GALNT13: variants seen among roughly 807,000 people sequenced by gnomAD.
GALNT13 encodes the protein polypeptide N-acetylgalactosaminyltransferase 13.
A neutral mutation model predicts 64.2 loss-of-function variants in GALNT13; 28 were observed. The ratio of observed to expected loss-of-function variants is 0.44; its 90% CI spans 0.32 to 0.60. The LOEUF (loss-of-function observed/expected upper bound fraction) is 0.60. Among genes scored for constraint, GALNT13 ranks in the 20% least tolerant of loss-of-function variants. The pLI, the probability that GALNT13 is intolerant of heterozygous loss-of-function variation, is 0.05. For synonymous variants in GALNT13, 214 were observed against 224.6 expected (o/e 0.95, Z 0.42); for missense variants, 577 against 669.8 (o/e 0.86, Z 1.53).
At chr2:153,673,836 A>T in the GALNT13 span, among the ~76,000 whole-genome samples, 1 of 152,200 alleles carries the variant, frequency 6.6e-6, no homozygotes, top group Admixed American at 6.5e-5. Flanking sequence ...TCTCAAGCTG[A>T]TAAGCAACTT....
the GALNT13 span, among the ~76,000 whole-genome samples, chr2:153,253,153 G>C: frequency 1.3e-5 from 2 of 151,010 alleles, no homozygotes. Context: ...TTGAGCAGTG[G>C]TTTGTAGTTC....
At chr2:153,704,802 A>G in the GALNT13 span, among the ~76,000 whole-genome samples, 1 of 152,220 alleles carries the variant, frequency 6.6e-6, no homozygotes, top group African/African-American at 2.4e-5. Context: ...ATACAGATTA[A>G]CAGCACAAAG....
At chr2:153,156,431 T>C in the GALNT13 span, among the ~76,000 whole-genome samples, 1 of 152,174 alleles carries the variant, frequency 6.6e-6, no homozygotes, top group Non-Finnish European at 1.5e-5. Flanking sequence ...AATGGTAATC[T>C]TTGATTACAT....
At chr2:153,338,427 A>T in the GALNT13 span, among the ~76,000 whole-genome samples, 3 of 152,244 alleles carry the variant, frequency 2.0e-5, no homozygotes, top group Non-Finnish European at 4.4e-5. Context: ...AGTAGGTGGA[A>T]ATTCAGAATT....
At chr2:153,208,442 A>T in the GALNT13 span, among the ~76,000 whole-genome samples, 179 of 152,242 alleles carry the variant, frequency 1.2e-3, no homozygotes, top group African/African-American at 4.2e-3. Context: ...TCTTTTACCT[A>T]GCATAATACT....
At chr2:153,342,945 G>A in the GALNT13 span, among the ~76,000 whole-genome samples, 2 of 152,246 alleles carry the variant, frequency 1.3e-5, no homozygotes, top group Admixed American at 1.3e-4. Flanking sequence ...CCTTACACAT[G>A]TGTCAAGGAA....
At chr2:153,863,595 T>C in the GALNT13 span, among the ~76,000 whole-genome samples, 3 of 152,156 alleles carry the variant, frequency 2.0e-5, no homozygotes, top group African/African-American at 4.8e-5. Context: ...TTGAGCTATT[T>C]TTGATAAACA....
intron 9 of GALNT13, among the ~76,000 whole-genome samples, chr2:154,345,266 A>G (rs707027): frequency 0.99 from 151,300 of 152,102 alleles, 75,255 homozygotes; most frequent in Middle Eastern, 1. Context: ...AACATGTAGA[A>G]CAAAAGACCG....
chr2:153,677,481 C>G, the GALNT13 span, among the ~76,000 whole-genome samples: 8 of 152,004 alleles, frequency 5.3e-5, no homozygotes, highest in African/African-American at 1.9e-4. Flanking sequence ...GTCATACTAC[C>G]CAAAGCAATT....
chr2:153,517,705 A>C, the GALNT13 span, among the ~76,000 whole-genome samples: 1 of 152,190 alleles, frequency 6.6e-6, no homozygotes, highest in Non-Finnish European at 1.5e-5. Flanking sequence ...TGTAGAAGGA[A>C]AAGGGAAATA....
chr2:153,396,759 C>T, the GALNT13 span, among the ~76,000 whole-genome samples: 1 of 152,080 alleles, frequency 6.6e-6, no homozygotes, highest in Admixed American at 6.6e-5. Flanking sequence ...TTGCAATTTT[C>T]ACAGAAAGTC....
At chr2:153,417,972 A>C in the GALNT13 span, among the ~76,000 whole-genome samples, 1 of 152,224 alleles carries the variant, frequency 6.6e-6, no homozygotes, top group Non-Finnish European at 1.5e-5. Flanking sequence ...GCCAATGTTT[A>C]GGTTAGAAAG....
chr2:154,423,079 C>G (rs1418047961), intron 11 of GALNT13, among the ~76,000 whole-genome samples: 2 of 126,142 alleles, frequency 1.6e-5, no homozygotes, highest in African/African-American at 5.9e-5. Context: ...CACCCCACAA[C>G]AGGCCCTGGT....
At chr2:154,286,314 A>T (rs1211515446) in intron 8 of GALNT13, among the ~76,000 whole-genome samples, 4 of 152,200 alleles carry the variant, frequency 2.6e-5, no homozygotes, top group Middle Eastern at 3.2e-3. Context: ...CTGTGGCCTT[A>T]TCATACATGG....
the GALNT13 span, among the ~76,000 whole-genome samples, chr2:153,347,834 T>C: frequency 6.6e-6 from 1 of 152,236 alleles, no homozygotes; most frequent in Non-Finnish European, 1.5e-5. Context: ...GTAATCATTA[T>C]GCTTTCAATC....
chr2:154,303,989 T>G (rs762625161), intron 9 of GALNT13, among the ~76,000 whole-genome samples: 11 of 152,032 alleles, frequency 7.2e-5, no homozygotes, highest in Non-Finnish European at 1.2e-4. Context: ...AACTCCTGAC[T>G]TCCAGTGATC....
the GALNT13 span, among the ~76,000 whole-genome samples, chr2:153,659,960 A>G: frequency 1.3e-5 from 2 of 152,158 alleles, no homozygotes; most frequent in Admixed American, 1.3e-4. Flanking sequence ...TCAATCATCT[A>G]TTAAAAATGC....
At chr2:154,230,131 A>C (rs1181604261) in intron 4 of GALNT13, among the ~76,000 whole-genome samples, 1 of 152,098 alleles carries the variant, frequency 6.6e-6, no homozygotes, top group Non-Finnish European at 1.5e-5. Context: ...GAGGTAAAAA[A>C]CATGAGCCCC....
At chr2:154,139,875 A>G (rs1420490138) in intron 3 of GALNT13, among the ~76,000 whole-genome samples, 4 of 152,138 alleles carry the variant, frequency 2.6e-5, no homozygotes, top group East Asian at 1.9e-4. Context: ...TTTTGACACA[A>G]TTCAAAATGT....
Sources: gnomAD v4.1 joint callset for allele counts (sites outside exome capture counted in the v4.1 genomes callset) on GRCh38, gnomAD v4.1.1 for gene constraint, MANE v1.5 for transcripts, NCBI Gene and HGNC (gene_info 2026-07-23, HGNC 2026-07-21) for gene names.